MMP26: variants seen among roughly 807,000 people sequenced by gnomAD.
MMP26 encodes matrix metallopeptidase 26, also known as matrix metalloproteinase-26.
MMP26 carries 33 observed loss-of-function variants against 31.0 expected under a neutral mutation model. That is an observed-to-expected ratio of 1.06 (90% confidence interval 0.81 to 1.42). The LOEUF is 1.42. Among genes scored for constraint, MMP26 ranks in the 40% most tolerant of loss-of-function variants. The pLI is 0.00. For synonymous variants in MMP26, 122 were observed against 114.9 expected, an observed-to-expected ratio of 1.06 and a Z score of -0.40; for missense variants, 347 against 316.1, an observed-to-expected ratio of 1.10 and a Z score of -0.74.
intron 2 of MMP26, among the ~76,000 whole-genome samples, chr11:4,977,051 A>G (rs1391880096): frequency 2.6e-5 from 4 of 151,776 alleles, no homozygotes; most frequent in African/African-American, 9.7e-5. Flanking sequence ...CCCTTTGTTC[A>G]TTTTTTAAAT....
At chr11:4,982,123 T>A (rs760205075) in intron 2 of MMP26, among the ~76,000 whole-genome samples, 5 of 151,876 alleles carry the variant, frequency 3.3e-5, no homozygotes, top group African/African-American at 4.8e-5. Flanking sequence ...TACATACACA[T>A]ATAAACATAT....
At chr11:4,751,016 G>A (rs1848441095) in intron 1 of MMP26, among the ~76,000 whole-genome samples, 1 of 152,066 alleles carries the variant, frequency 6.6e-6, no homozygotes, top group Non-Finnish European at 1.5e-5. Context: ...ATTCAACTAT[G>A]CAGTTTGGAA....
At chr11:4,943,318 C>T (rs1846244128) in intron 2 of MMP26, 4 of 315,054 alleles carry the variant, frequency 1.3e-5, no homozygotes, top group African/African-American at 2.2e-5. Context: ...AGTCTTTTAA[C>T]ATCTCTCAAG....
At chr11:4,883,016 C>T (rs1303408268) in intron 2 of MMP26, 2 of 662,490 alleles carry the variant, frequency 3.0e-6, no homozygotes, top group Non-Finnish European at 5.1e-6. Context: ...AGTAATTTTC[C>T]CCTGAGCTTA....
In MMP26 at chr11:4,826,513, T is replaced by C. The variant is rs547620696; in HGVS notation, c.-145+59172T>C. 2.6e-5 allele frequency among the ~76,000 whole-genome samples: 4 copies of C among 152,118 alleles called. No individual in the cohort carries two copies. In the East Asian group the frequency reaches 7.7e-4, roughly 29 times the overall value. The stretch of plus-strand genomic sequence containing the variant: ...GTGGAGAGCTGGAGAACAAGCTCAG[T>C]GGTGAAATGCTGAAGAAAGCTATGC... On this transcript the variant is annotated intron_variant, in intron 2 of 7. Coordinates refer to ENST00000380390, the MANE Select transcript of MMP26 (RefSeq NM_021801.5).
chr11:4,959,202 C>T (rs1846486996), intron 2 of MMP26, among the ~76,000 whole-genome samples: 2 of 145,424 alleles, frequency 1.4e-5, no homozygotes, highest in African/African-American at 2.6e-5. Flanking sequence ...CTCGCCACCG[C>T]ACTCTAGCCT....
At chr11:4,880,137 A>G (rs1850438276) in intron 2 of MMP26, among the ~76,000 whole-genome samples, 1 of 152,038 alleles carries the variant, frequency 6.6e-6, no homozygotes, top group Non-Finnish European at 1.5e-5. Flanking sequence ...ACTCACTCCA[A>G]CCAGAATGCT....
At chr11:4,766,683 C>A in intron 1 of MMP26, among the ~76,000 whole-genome samples, 1 of 150,380 alleles carries the variant, frequency 6.6e-6, no homozygotes, top group East Asian at 2.0e-4. Flanking sequence ...AATTTCTCTC[C>A]CACTTTCCTT....
chr11:4,792,995 C>A (rs1030539002), intron 2 of MMP26, among the ~76,000 whole-genome samples: 4 of 152,118 alleles, frequency 2.6e-5, no homozygotes, highest in Non-Finnish European at 5.9e-5. Flanking sequence ...GAGTGATTAT[C>A]TCAAGTGAAA....
At chr11:4,903,755 A>G (rs1850839247) in intron 2 of MMP26, 1 of 152,124 alleles carries the variant, frequency 6.6e-6, no homozygotes, top group Admixed American at 6.5e-5. Flanking sequence ...AAAGTGGAGA[A>G]TTCTTGTTTT....
At chr11:4,939,219 C>A (rs1487314280) in intron 2 of MMP26, among the ~76,000 whole-genome samples, 21 of 152,008 alleles carry the variant, frequency 1.4e-4, no homozygotes, top group Admixed American at 1.4e-3. Flanking sequence ...ATTTTTAACA[C>A]CTAGCATAGT....
rs568516375 is a variant in MMP26 at position 4,789,689 on chromosome 11, T to C, written c.-145+22348T>C. Among the ~76,000 whole-genome samples the C allele has an allele frequency of 5.6e-3, 847 of 151,282 alleles. 9 individuals are homozygous for C. Among genetic ancestry groups the C allele is most frequent in the Non-Finnish European group, 5.9e-3 (398 of 67,822 alleles). On this transcript the variant is annotated intron_variant, in intron 2 of 7. Coordinates refer to ENST00000380390, the MANE Select transcript of MMP26 (RefSeq NM_021801.5). ...TTGAGTAGCTGGGACTACAGGTGCC[T>C]GCCACCACACCCAGCTAATTTTTTG...
chr11:4,973,654 G>A (rs552672752), intron 2 of MMP26: 26 of 166,150 alleles, frequency 1.6e-4, no homozygotes, highest in African/African-American at 5.3e-4. Flanking sequence ...GGAGAGAGGA[G>A]AGGGATAGTC....
At chr11:4,963,828 T>C (rs780924457) in intron 2 of MMP26, among the ~76,000 whole-genome samples, 10 of 152,220 alleles carry the variant, frequency 6.6e-5, no homozygotes, top group Admixed American at 1.3e-4. Context: ...TGAGATGGCA[T>C]CTCATCGTGG....
At position 4,991,515 on chromosome 11, in the gene MMP26, G is replaced by A; in HGVS notation, c.595+19G>A. 3 of 1,610,876 alleles carry A rather than the reference G, an allele frequency of 1.9e-6. No homozygotes were observed. Among genetic ancestry groups the A allele is most frequent in the Admixed American group, 1.7e-5 (1 of 59,922 alleles). On this transcript the variant is annotated intron_variant, in intron 6 of 7. Transcript: ENST00000380390. ...GACACTGGTAAATGCCTTGTTTGGTGGGATCGCTAGAACTCTCTGGGAACC... is the reference window on the plus strand; with the variant it reads ...GACACTGGTAAATGCCTTGTTTGGTAGGATCGCTAGAACTCTCTGGGAACC...
intron 2 of MMP26, among the ~76,000 whole-genome samples, chr11:4,897,147 G>A (rs1006996998): frequency 6.6e-6 from 1 of 151,394 alleles, no homozygotes; most frequent in African/African-American, 2.4e-5. Context: ...CTGATTTTTT[G>A]TTTATTTTTT....
chr11:4,848,649 C>T, intron 2 of MMP26: 1 of 1,613,192 alleles, frequency 6.2e-7, no homozygotes, highest in Non-Finnish European at 8.5e-7. Context: ...TGGATGCAAG[C>T]AATAAGAATG....
At chr11:4,833,349 G>A (rs1849672051) in intron 2 of MMP26, among the ~76,000 whole-genome samples, 1 of 152,152 alleles carries the variant, frequency 6.6e-6, no homozygotes, top group South Asian at 2.1e-4. Flanking sequence ...CGAGAAGGAA[G>A]AGCAAAACTC....
At chr11:4,914,949 T>G (rs1851053859) in intron 2 of MMP26, 2 of 1,613,950 alleles carry the variant, frequency 1.2e-6, no homozygotes, top group Admixed American at 3.3e-5. Context: ...GCCTTGAATC[T>G]CTCAGCCCTG....
Sources: allele counts gnomAD v4.1 joint callset (sites outside exome capture counted in the v4.1 genomes callset), GRCh38; gene constraint gnomAD v4.1.1; transcripts MANE v1.5; gene names NCBI Gene and HGNC (gene_info 2026-07-23, HGNC 2026-07-21).